Variants in SMIM21 observed in about 807,000 individuals in gnomAD.
SMIM21 encodes small integral membrane protein 21.
A neutral mutation model predicts 8.6 loss-of-function variants in SMIM21; 8 were observed. The observed-to-expected ratio is 0.93, with a 90% CI of 0.55 to 1.68. SMIM21 has a LOEUF of 1.68. Among genes scored for constraint, SMIM21 ranks in the 40% most tolerant of loss-of-function variants. The pLI, the probability that SMIM21 is intolerant of heterozygous loss-of-function variation, is 0.00. For missense variants in SMIM21, 132 were observed against 123.0 expected (o/e 1.07, Z -0.35); for synonymous variants, 43 against 41.7 (o/e 1.03, Z -0.12).
intron 2 of SMIM21, among the ~76,000 whole-genome samples, 179 bp downstream of exon 2, chr18:75,418,607 C>CCT: frequency 6.6e-6 from 1 of 152,254 alleles, no homozygotes; most frequent in East Asian, 1.9e-4. Context: ...TTTCATCTGG[C>CCT]CTAATTTCCT....
At chr18:75,418,721 A>G in intron 2 of SMIM21, 65 bp downstream of exon 2, 1 of 1,450,732 alleles carries the variant, frequency 6.9e-7, no homozygotes, top group South Asian at 1.5e-5. Context: ...TGCTAAGGTT[A>G]TCGTTTACTC....
intron 2 of SMIM21, chr18:75,416,201 A>G (rs1002888805): frequency 6.6e-6 from 1 of 152,242 alleles, no homozygotes; most frequent in Non-Finnish European, 1.5e-5. Context: ...ACAGCAATCA[A>G]TGTTAACAAT....
chr18:75,425,537 C>T (rs7228890), intron 1 of SMIM21, among the ~76,000 whole-genome samples: 2 of 152,054 alleles, frequency 1.3e-5, no homozygotes, highest in Non-Finnish European at 2.9e-5. Context: ...CATTTTCCTA[C>T]TGGCTACAGA....
In SMIM21 at chr18:75,418,770, G is replaced by A. The variant is rs757732756; in HGVS notation, c.260+16C>T. On this transcript the variant is annotated intron_variant, in intron 2 of 2. Transcript: ENST00000579022. ...GTAGTATTTTTTTTTAACTGCTAAG[G>A]TTATCGTTTACCTACTTTCGAAATA... 8.8e-6 allele frequency: 14 copies of A among 1,595,812 alleles called. No homozygotes were observed. The Admixed American group carries it at 8.8e-5, about 10-fold the overall frequency.
At chr18:75,412,186 G>A (rs1361852307) in intron 2 of SMIM21, among the ~76,000 whole-genome samples, 1 of 152,186 alleles carries the variant, frequency 6.6e-6, no homozygotes, top group Non-Finnish European at 1.5e-5. Flanking sequence ...AATTCTCCAA[G>A]AGAGGGCAAG....
chr18:75,426,735 C>T (rs947148817), intron 1 of SMIM21, among the ~76,000 whole-genome samples: 8 of 151,166 alleles, frequency 5.3e-5, no homozygotes, highest in Non-Finnish European at 1.0e-4. Context: ...GGAGATGCTA[C>T]CTGCCTGCTC....
chr18:75,422,536 A>G (rs1485275445), intron 1 of SMIM21, among the ~76,000 whole-genome samples: 3 of 152,214 alleles, frequency 2.0e-5, no homozygotes, highest in African/African-American at 7.2e-5. Flanking sequence ...AGCATGACTC[A>G]TAATAGTCAA....
intron 2 of SMIM21, among the ~76,000 whole-genome samples, chr18:75,418,530 G>T (rs889404854): frequency 6.6e-6 from 1 of 152,168 alleles, no homozygotes; most frequent in Non-Finnish European, 1.5e-5. Context: ...GAAGGAGGTC[G>T]CTGCAGTATA....
Position 75,410,152 on chromosome 18 carries a change from A to G in SMIM21, c.*712T>C, listed in dbSNP as rs539464412. ...AGTCAGCCACAATATAAGAAAACTCATCTGCCTCGACTTGTTGCCCGTCTT... is the reference window on the plus strand; with the variant it reads ...AGTCAGCCACAATATAAGAAAACTCGTCTGCCTCGACTTGTTGCCCGTCTT... On this transcript the variant is annotated 3_prime_UTR_variant, in exon 3 of 3. Coordinates refer to ENST00000579022, the MANE Select transcript of SMIM21 (RefSeq NM_001037331.3). The G allele has an allele frequency of 6.3e-4, 97 of 152,796 alleles. No individual in the cohort carries two copies. Among genetic ancestry groups the G allele is most frequent in the African/African-American group, 2.2e-3 (91 of 41,590 alleles). The allele number at this position is 152,796 out of a possible 1,614,324, so 9.5% of individuals were successfully genotyped here.
rs187221249 is a variant in SMIM21 at position 75,427,375 on chromosome 18, C to A, written c.129+60G>T. ...TGGGGCAAAAGAGTGCTTTGTAGGA[C>A]CATACCTGTGCAGTGATACGTCTCT... On this transcript the variant is annotated intron_variant, in intron 1 of 2. Transcript: ENST00000579022. 86 of 1,563,158 alleles carry A rather than the reference C, an allele frequency of 5.5e-5. No homozygotes were observed. The East Asian group carries it at 9.5e-4, about 17-fold the overall frequency.
chr18:75,422,490 T>A (rs1599108769), intron 1 of SMIM21, among the ~76,000 whole-genome samples: 1 of 152,134 alleles, frequency 6.6e-6, no homozygotes, highest in Non-Finnish European at 1.5e-5. Context: ...TAAAAACATA[T>A]GTCCACACAA....
intron 2 of SMIM21, among the ~76,000 whole-genome samples, chr18:75,415,643 A>G (rs1374762171): frequency 6.6e-6 from 1 of 152,226 alleles, no homozygotes; most frequent in Non-Finnish European, 1.5e-5. Flanking sequence ...CTTTTCTTCC[A>G]TGGACACACA....
At chr18:75,422,198 C>G (rs1318520479) in intron 1 of SMIM21, among the ~76,000 whole-genome samples, 1 of 152,106 alleles carries the variant, frequency 6.6e-6, no homozygotes, top group Admixed American at 6.5e-5. Flanking sequence ...GAGGCTGCGA[C>G]CCCTTATTCC....
Position 75,409,652 on chromosome 18 carries a change from A to T in SMIM21, c.*1212T>A, listed in dbSNP as rs1476548231. The T allele has an allele frequency of 2.5e-5, 3 of 120,134 alleles. No individual in the cohort carries two copies. The highest frequency in any genetic ancestry group is 3.4e-5 in the African/African-American group (1 of 29,458). The allele number at this position is 120,134 out of a possible 1,614,324, so 7.4% of individuals were successfully genotyped here. On this transcript the variant is annotated 3_prime_UTR_variant, in exon 3 of 3. Transcript: ENST00000579022. The stretch of plus-strand genomic sequence containing the variant: ...AAAGACAGACTGTTCCATCGGTGAC[A>T]AGAACTCTGTGTGTGTGTGTGTGTG...
chr18:75,410,955 A>G (rs1178802823), intron 2 of SMIM21, 46 bp from the exon 3 acceptor site: 2 of 1,601,190 alleles, frequency 1.2e-6, no homozygotes, highest in East Asian at 2.3e-5. Context: ...TTTTTGATAG[A>G]TATAATCAAA....
chr18:75,426,560 C>T (rs1027062418), intron 1 of SMIM21, among the ~76,000 whole-genome samples: 1 of 144,920 alleles, frequency 6.9e-6, no homozygotes, highest in Admixed American at 7.2e-5. Context: ...CTCCTCGCCT[C>T]GGCCTCCCAA....
chr18:75,416,209 A>G (rs1189570290), intron 2 of SMIM21: 1 of 152,260 alleles, frequency 6.6e-6, no homozygotes, highest in Non-Finnish European at 1.5e-5. Context: ...CAATGTTAAC[A>G]ATATATGACA....
intron 1 of SMIM21, among the ~76,000 whole-genome samples, chr18:75,426,568 C>T (rs2024764606): frequency 6.9e-6 from 1 of 144,522 alleles, no homozygotes; most frequent in Admixed American, 7.3e-5. Context: ...CTCGGCCTCC[C>T]AAAGTGCTGA....
At chr18:75,419,033 A>G (rs1489802749) in intron 1 of SMIM21, 117 bp from the exon 2 acceptor site, 3 of 587,496 alleles carry the variant, frequency 5.1e-6, no homozygotes, top group East Asian at 2.9e-5. Context: ...ATAAGTTTAT[A>G]TATTTAAGGT....
Sources: allele counts gnomAD v4.1 joint callset (sites outside exome capture counted in the v4.1 genomes callset), GRCh38; gene constraint gnomAD v4.1.1; transcripts MANE v1.5; gene names NCBI Gene and HGNC (gene_info 2026-07-23, HGNC 2026-07-21).